The following CAPRIN2 variants were observed in gnomAD, a reference collection of about 807,000 sequenced individuals.
CAPRIN2 encodes the protein caprin-2.
In CAPRIN2, 66 loss-of-function variants were observed where a neutral mutation model predicts 130.4. The observed-to-expected ratio is 0.51, with a 90% CI of 0.42 to 0.62. The LOEUF (loss-of-function observed/expected upper bound fraction) is 0.62. Ranked by LOEUF, CAPRIN2 falls within the 20% of genes least tolerant of loss-of-function variation. CAPRIN2 has a pLI of 0.00. For missense variants in CAPRIN2, 1,185 were observed against 1,246.6 expected, an observed-to-expected ratio of 0.95 and a Z score of 0.74; for synonymous variants, 471 against 444.1, an observed-to-expected ratio of 1.06 and a Z score of -0.76.
At chr12:30,753,608 G>A (rs780916832) in exon 1 of CAPRIN2, 39 of 1,614,048 alleles carry the variant, frequency 2.4e-5, no homozygotes, top group African/African-American at 2.0e-4. Context: ...AAACAGATGA[G>A]GCTGAAGGAG....
At chr12:30,727,495 A>G (rs1304405840) in intron 8 of CAPRIN2, among the ~76,000 whole-genome samples, 27 of 152,234 alleles carry the variant, frequency 1.8e-4, no homozygotes, top group Admixed American at 1.8e-3. Flanking sequence ...ACAGATGTGC[A>G]AGGAAGACTA....
At chr12:30,715,375 G>A in intron 13 of CAPRIN2, 1 of 610,102 alleles carries the variant, frequency 1.6e-6, no homozygotes, top group Non-Finnish European at 3.0e-6. Flanking sequence ...GCTACAACAT[G>A]AATGAACCCT....
chr12:30,753,069 C>T (rs533837800), intron 1 of CAPRIN2, among the ~76,000 whole-genome samples: 1 of 152,186 alleles, frequency 6.6e-6, no homozygotes, highest in African/African-American at 2.4e-5. Flanking sequence ...ATTAATACTA[C>T]ATAAGGAATT....
intron 13 of CAPRIN2, 47 bp from the exon 16 acceptor site, chr12:30,715,188 G>A: frequency 6.6e-7 from 1 of 1,504,386 alleles, no homozygotes; most frequent in African/African-American, 1.4e-5. Context: ...AATGGTAATA[G>A]TCTTTATACT....
At chr12:30,749,927 G>A (rs1459254424) in intron 2 of CAPRIN2, among the ~76,000 whole-genome samples, 2 of 152,140 alleles carry the variant, frequency 1.3e-5, no homozygotes, top group African/African-American at 4.8e-5. Flanking sequence ...ACATTTCTTA[G>A]AGAGCTACCA....
chr12:30,726,768 A>G (rs1472131445), intron 8 of CAPRIN2, among the ~76,000 whole-genome samples: 1 of 152,178 alleles, frequency 6.6e-6, no homozygotes, highest in Non-Finnish European at 1.5e-5. Flanking sequence ...CAGATAAAAT[A>G]AGAGTTAAGA....
intron 2 of CAPRIN2, among the ~76,000 whole-genome samples, chr12:30,746,051 C>T (rs2070081113): frequency 6.6e-6 from 1 of 152,146 alleles, no homozygotes; most frequent in Non-Finnish European, 1.5e-5. Flanking sequence ...CAAAGAGAAG[C>T]AGGCACAGAT....
intron 3 of CAPRIN2, among the ~76,000 whole-genome samples, chr12:30,740,297 TTTAA>T (rs2066846969): frequency 1.3e-5 from 2 of 152,088 alleles, no homozygotes; most frequent in African/African-American, 4.8e-5. Flanking sequence ...TATAAATTTT[TTTAA>T]TGAAAATATC....
chr12:30,751,432 A>G (rs1297158445), intron 1 of CAPRIN2: 1 of 298,412 alleles, frequency 3.4e-6, no homozygotes, highest in Non-Finnish European at 6.5e-6. Context: ...CTACTAAATC[A>G]TGTGTCCCCA....
chr12:30,711,261 C>T (rs749918131), intron 16 of CAPRIN2, among the ~76,000 whole-genome samples: 5 of 152,144 alleles, frequency 3.3e-5, no homozygotes, highest in South Asian at 2.1e-4. Flanking sequence ...AAACCACCAT[C>T]GTGAATCATC....
intron 8 of CAPRIN2, among the ~76,000 whole-genome samples, chr12:30,726,987 C>T (rs1438313058): frequency 6.6e-6 from 1 of 152,188 alleles, no homozygotes; most frequent in East Asian, 1.9e-4. Context: ...CTGAAAAACC[C>T]TACAACTTCA....
intron 15 of CAPRIN2, among the ~76,000 whole-genome samples, chr12:30,712,147 G>A (rs888467281): frequency 2.0e-5 from 3 of 151,768 alleles, no homozygotes; most frequent in African/African-American, 2.4e-5. Context: ...AATATATTAA[G>A]AAAAAATGTT....
Position 30,720,791 on chromosome 12 carries a change from T to G in CAPRIN2, c.2148+20A>C, listed in dbSNP as rs767827955. 2.1e-6 allele frequency: 3 copies of G among 1,399,170 alleles called. No homozygotes were observed. Among genetic ancestry groups the G allele is most frequent in the Non-Finnish European group, 3.0e-6 (3 of 987,246 alleles). 86.7% of individuals were successfully genotyped at this position (1,399,170 alleles called of 1,614,324 possible). A position where few individuals can be genotyped will look rare whatever the true frequency, so the allele number is the denominator to read the frequency against. On this transcript the variant is annotated intron_variant, in intron 12 of 16. Transcript: ENST00000298892. ...CTATTCTTTAAGATACAAAAGAAAT[T>G]AAGACAATTGGTCTTTTACCTCAGG...
Position 30,753,691 on chromosome 12 carries a change from A to G in CAPRIN2, c.73T>C (p.Ser25Pro), listed in dbSNP as rs975915363. ...GCAATAACTTCCCTGGAAAGTCTAG[A>G]CCACTCCCTTAAACTCTTTTCCACA... The change falls in exon 1 of 17, where the codon TCT (serine) becomes CCT (proline). Residue 25 changes from serine to proline, a missense_variant. By Grantham distance (74) the Ser-to-Pro change is moderately conservative. Coordinates refer to ENST00000298892, the Ensembl canonical transcript of CAPRIN2. The G allele has an allele frequency of 1.9e-6, 3 of 1,614,134 alleles. No homozygotes were observed. In the African/African-American group the frequency reaches 4.0e-5, roughly 22 times the overall value.
In CAPRIN2 at chr12:30,749,512, T is replaced by C. The variant is rs146549955; in HGVS notation, c.483+1559A>G. Among the ~76,000 whole-genome samples the C allele has an allele frequency of 5.5e-3, 834 of 152,310 alleles. 7 individuals are homozygous for C. The highest frequency in any genetic ancestry group is 0.019 in the African/African-American group (797 of 41,558). On this transcript the variant is annotated intron_variant, in intron 2 of 16. Coordinates refer to ENST00000298892, the Ensembl canonical transcript of CAPRIN2. ...AAAGGTTATATAGCCTAGATGAAGA[T>C]GGCAGAAATGGTCAGTTTCCTCATT...
At chr12:30,732,653 T>G (rs2063128307) in intron 5 of CAPRIN2, among the ~76,000 whole-genome samples, 1 of 152,138 alleles carries the variant, frequency 6.6e-6, no homozygotes, top group Admixed American at 6.5e-5. Context: ...TGTACTCATT[T>G]TATGTCTGGC....
chr12:30,748,134 T>C (rs373060766), intron 2 of CAPRIN2, among the ~76,000 whole-genome samples: 77 of 152,360 alleles, frequency 5.1e-4, no homozygotes, highest in African/African-American at 1.8e-3. Context: ...GAATTTTACA[T>C]AGACTCATAG....
intron 3 of CAPRIN2, among the ~76,000 whole-genome samples, chr12:30,737,250 T>C (rs1463556207): frequency 6.6e-6 from 1 of 151,938 alleles, no homozygotes; most frequent in African/African-American, 2.4e-5. Flanking sequence ...GCAATCCTCC[T>C]CCCAAAGGGC....
chr12:30,734,842 CCTCT>C (rs2063944366), intron 4 of CAPRIN2, 122 bp downstream of exon 5: 23 of 680,008 alleles, frequency 3.4e-5, no homozygotes, highest in South Asian at 3.3e-4. Flanking sequence ...TCTCTCTCCC[CCTCT>C]CTAACACACA....
Sources: gnomAD v4.1 joint callset for allele counts (sites outside exome capture counted in the v4.1 genomes callset) on GRCh38, gnomAD v4.1.1 for gene constraint, MANE v1.5 for transcripts, NCBI Gene and HGNC (gene_info 2026-07-23, HGNC 2026-07-21) for gene names.